LPAR1: variants seen among roughly 807,000 people sequenced by gnomAD.
LPAR1 encodes lysophosphatidic acid receptor 1.
A neutral mutation model predicts 23.8 loss-of-function variants in LPAR1; 5 were observed. The ratio of observed to expected loss-of-function variants is 0.21; its 90% CI spans 0.11 to 0.44. The LOEUF (loss-of-function observed/expected upper bound fraction) is 0.44, where lower values mean the gene tolerates loss of function less well. Among genes scored for constraint, LPAR1 ranks in the 20% least tolerant of loss-of-function variants. The pLI, the probability that LPAR1 is intolerant of heterozygous loss-of-function variation, is 0.99. For missense variants in LPAR1, 311 were observed against 482.8 expected, an observed-to-expected ratio of 0.64 and a Z score of 3.33; for synonymous variants, 160 against 164.7, an observed-to-expected ratio of 0.97 and a Z score of 0.22.
rs2096443260 is a variant in LPAR1, at chr9:110,972,081, G to C, written c.37C>G (p.Gln13Glu). 3 of 1,613,914 alleles carry C rather than the reference G, an allele frequency of 1.9e-6. No homozygotes were observed. Among genetic ancestry groups the C allele is most frequent in the Non-Finnish European group, 2.5e-6 (3 of 1,179,796 alleles). The change falls in exon 4 of 6, where the codon CAG (glutamine) becomes GAG (glutamate). Residue 13 changes from glutamine (Q) to glutamate (E), a missense_variant. Transcript: ENST00000683809. Reference protein sequence around the residue: ...AISTSIPVISQPQFTAMNEPQ... With the variant: ...AISTSIPVISEPQFTAMNEPQ... ...TAGTTTGAAGCCCTTACCTGGGGCT[G>C]TGAAATTACAGGGATGGAAGTAGAG...
At chr9:111,024,422 T>C (rs1325188201) in intron 2 of LPAR1, among the ~76,000 whole-genome samples, 1 of 147,626 alleles carries the variant, frequency 6.8e-6, no homozygotes, top group Non-Finnish European at 1.5e-5. Flanking sequence ...TATATATATT[T>C]ATATATACAT....
At chr9:110,957,954 G>C (rs1446761173) in intron 4 of LPAR1, among the ~76,000 whole-genome samples, 3 of 151,896 alleles carry the variant, frequency 2.0e-5, no homozygotes, top group African/African-American at 7.3e-5. Context: ...ATCCAAAAAA[G>C]AAATAAAGAA....
chr9:110,977,820 GC>G, intron 2 of LPAR1, among the ~76,000 whole-genome samples: 1 of 33,024 alleles, frequency 3.0e-5, no homozygotes, highest in Non-Finnish European at 6.1e-5. Flanking sequence ...GGGAGGGAGG[GC>G]GGGAGGGAGG....
chr9:111,002,322 T>C lies in LPAR1; in HGVS notation c.-181-28764A>G, dbSNP rs55876033. Among the ~76,000 whole-genome samples, 1,470 of 152,328 alleles carry C rather than the reference T, an allele frequency of 9.7e-3. 21 individuals carry two copies. The highest frequency in any genetic ancestry group is 0.033 in the African/African-American group (1,374 of 41,568). On this transcript the variant is annotated intron_variant, in intron 2 of 5. Coordinates refer to ENST00000683809, the MANE Select transcript of LPAR1 (RefSeq NM_001351411.2). ...GAATGCAGTTCTAATCACATATTCA[T>C]CTGTTATACTTTTCTTGTAAATTTC...
chr9:110,968,243 T>C (rs1435385233), intron 4 of LPAR1, among the ~76,000 whole-genome samples: 2 of 152,192 alleles, frequency 1.3e-5, no homozygotes, highest in Admixed American at 6.6e-5. Context: ...ATTTCTGCAG[T>C]ATAACTATTC....
chr9:110,934,079 T>G (rs1017507726), intron 5 of LPAR1, among the ~76,000 whole-genome samples: 1 of 152,172 alleles, frequency 6.6e-6, no homozygotes, highest in African/African-American at 2.4e-5. Context: ...CAATCGAGGC[T>G]CTCATGGATA....
At chr9:110,932,213 C>A (rs1056311966) in intron 5 of LPAR1, among the ~76,000 whole-genome samples, 1 of 152,134 alleles carries the variant, frequency 6.6e-6, no homozygotes, top group Admixed American at 6.5e-5. Flanking sequence ...TTCATGTAGT[C>A]ATTCAGCAAA....
intron 4 of LPAR1, among the ~76,000 whole-genome samples, chr9:110,945,667 T>C (rs1347880704): frequency 5.3e-5 from 8 of 152,172 alleles, no homozygotes; most frequent in Admixed American, 1.3e-4. Flanking sequence ...AAGTCCAAAA[T>C]AGGTCTCACA....
At chr9:110,934,611 T>A (rs563070734) in intron 5 of LPAR1, 59 of 152,334 alleles carry the variant, frequency 3.9e-4, no homozygotes, top group African/African-American at 1.3e-3. Flanking sequence ...AAGCTCTACA[T>A]GGTTGATCCA....
chr9:110,937,550 G>C (rs1283987037), intron 5 of LPAR1, among the ~76,000 whole-genome samples: 2 of 152,012 alleles, frequency 1.3e-5, no homozygotes, highest in Non-Finnish European at 2.9e-5. Flanking sequence ...TACGCCATAG[G>C]GTTGTAATTT....
At chr9:110,991,460 A>T (rs1276022259) in intron 2 of LPAR1, among the ~76,000 whole-genome samples, 1 of 152,188 alleles carries the variant, frequency 6.6e-6, no homozygotes, top group Non-Finnish European at 1.5e-5. Flanking sequence ...TCTGTAATCT[A>T]TAACTAGATA....
intron 5 of LPAR1, among the ~76,000 whole-genome samples, chr9:110,925,395 T>A (rs1026856978): frequency 6.6e-6 from 1 of 152,108 alleles, no homozygotes; most frequent in Non-Finnish European, 1.5e-5. Context: ...AAGCCTGGCT[T>A]TGGAAGATTG....
rs560772624 is a variant in LPAR1 at position 111,029,905 on chromosome 9, A to G, written c.-182+6217T>C. ...ATCTCTACCAAAAAATACAAAAAAA[A>G]TTAGCCAGGCATGGTGGTGCACGCC... On this transcript the variant is annotated intron_variant, in intron 2 of 5. Coordinates refer to ENST00000683809, the MANE Select transcript of LPAR1 (RefSeq NM_001351411.2). Among the ~76,000 whole-genome samples, 4 of 152,174 alleles carry G rather than the reference A, an allele frequency of 2.6e-5. No homozygotes were observed. In the East Asian group the frequency reaches 7.7e-4, roughly 29 times the overall value.
intron 4 of LPAR1, among the ~76,000 whole-genome samples, chr9:110,961,419 A>G (rs537984485): frequency 2.7e-4 from 41 of 151,870 alleles, no homozygotes; most frequent in African/African-American, 9.7e-4. Context: ...TCAGGAGTTC[A>G]AGACCAGCCT....
At chr9:110,956,671 A>G (rs1373376734) in intron 4 of LPAR1, among the ~76,000 whole-genome samples, 5 of 152,176 alleles carry the variant, frequency 3.3e-5, no homozygotes, top group African/African-American at 4.8e-5. Context: ...ACTATACGCT[A>G]GCAAACTGGA....
rs573197383 is a variant in LPAR1, at chr9:110,986,075, C to A, written c.-181-12517G>T. On this transcript the variant is annotated intron_variant, in intron 2 of 5. Transcript: ENST00000683809. The stretch of plus-strand genomic sequence containing the variant: ...AACTCTACTCTGGGTAAGAGACAGA[C>A]TTCATTCTGCCCTGTTTCTTTCCAG... Among the ~76,000 whole-genome samples the A allele has an allele frequency of 4.6e-5, 7 of 152,238 alleles. No individual in the cohort carries two copies. In the East Asian group the frequency reaches 1.4e-3, roughly 29 times the overall value.
intron 5 of LPAR1, among the ~76,000 whole-genome samples, chr9:110,903,986 A>T (rs2090326895): frequency 6.6e-6 from 1 of 152,022 alleles, no homozygotes; most frequent in African/African-American, 2.4e-5. Flanking sequence ...CTTACCTGAA[A>T]CCATATAGGC....
intron 5 of LPAR1, among the ~76,000 whole-genome samples, chr9:110,919,446 T>C (rs1221862623): frequency 6.6e-6 from 1 of 152,134 alleles, no homozygotes; most frequent in African/African-American, 2.4e-5. Context: ...CAGCTAAGCA[T>C]GCCTGGACTT....
intron 2 of LPAR1, among the ~76,000 whole-genome samples, chr9:111,012,187 G>C (rs1446207108): frequency 3.9e-5 from 6 of 152,094 alleles, no homozygotes; most frequent in Non-Finnish European, 7.4e-5. Context: ...GGAGTTCAAG[G>C]CTGCAATGAG....
Sources: gnomAD v4.1 joint callset for allele counts (sites outside exome capture counted in the v4.1 genomes callset) on GRCh38, gnomAD v4.1.1 for gene constraint, MANE v1.5 for transcripts, NCBI Gene and HGNC (gene_info 2026-07-23, HGNC 2026-07-21) for gene names.